The following SUGCT variants were observed in gnomAD, a reference collection of about 807,000 sequenced individuals.
SUGCT encodes succinyl-CoA:glutarate-CoA transferase.
SUGCT carries 41 observed loss-of-function variants against 55.0 expected under a neutral mutation model. The ratio of observed to expected loss-of-function variants is 0.74; its 90% CI spans 0.58 to 0.97. SUGCT has a LOEUF of 0.97. Ranked by LOEUF, SUGCT falls within the 50% of genes least tolerant of loss-of-function variation. The pLI is 0.00. For missense variants in SUGCT, 568 were observed against 547.8 expected (o/e 1.04, Z -0.37); for synonymous variants, 187 against 200.4 (o/e 0.93, Z 0.56).
intron 6 of SUGCT, among the ~76,000 whole-genome samples, chr7:40,196,791 G>A (rs116337684): frequency 0.017 from 2,545 of 152,134 alleles, 70 homozygotes; most frequent in African/African-American, 0.059. Flanking sequence ...TCTATTCCCA[G>A]TTCCACCTGT....
chr7:40,519,246 A>G (rs1793403345), intron 12 of SUGCT, among the ~76,000 whole-genome samples: 3 of 152,152 alleles, frequency 2.0e-5, no homozygotes, highest in Admixed American at 2.0e-4. Context: ...ACTAAATTCC[A>G]AATGTGATCC....
At chr7:40,795,819 C>A (rs1222648376) in intron 13 of SUGCT, among the ~76,000 whole-genome samples, 1 of 152,080 alleles carries the variant, frequency 6.6e-6, no homozygotes, top group Non-Finnish European at 1.5e-5. Flanking sequence ...ACTATGGGAA[C>A]TTGGGAAGGT....
chr7:40,278,841 T>TA (rs36033574), intron 8 of SUGCT, among the ~76,000 whole-genome samples: 142,059 of 148,298 alleles, frequency 0.96, 68,024 homozygotes, highest in Admixed American at 0.98. Context: ...TTTTTTTTTT[T>TA]AAAGAGATAC....
intron 9 of SUGCT, among the ~76,000 whole-genome samples, chr7:40,444,253 T>A (rs1487376075): frequency 6.6e-6 from 1 of 152,238 alleles, no homozygotes; most frequent in African/African-American, 2.4e-5. Flanking sequence ...TTTCCAATTC[T>A]GTGAAGAAAG....
intron 12 of SUGCT, among the ~76,000 whole-genome samples, chr7:40,685,102 C>CA (rs1784411498): frequency 6.6e-6 from 1 of 152,084 alleles, no homozygotes; most frequent in Non-Finnish European, 1.5e-5. Context: ...AGTGGTCCAC[C>CA]TGCCTTGGCC....
At chr7:40,764,478 T>A (rs1788680599) in intron 13 of SUGCT, among the ~76,000 whole-genome samples, 1 of 152,094 alleles carries the variant, frequency 6.6e-6, no homozygotes, top group African/African-American at 2.4e-5. Context: ...ATGATATATA[T>A]CATCTTATTT....
At chr7:40,698,969 G>T (rs190540920) in intron 12 of SUGCT, among the ~76,000 whole-genome samples, 3 of 152,300 alleles carry the variant, frequency 2.0e-5, no homozygotes, top group Admixed American at 2.0e-4. Flanking sequence ...CTACTGTGAT[G>T]AGTAACATTT....
chr7:41,017,370 A>G, the SUGCT span, among the ~76,000 whole-genome samples: 1 of 152,198 alleles, frequency 6.6e-6, no homozygotes, highest in Non-Finnish European at 1.5e-5. Flanking sequence ...CACATGGCAG[A>G]CCCTTCTAGT....
rs140810541 is a variant in SUGCT, at chr7:40,150,384, C to T, written c.100+15264C>T. 2.5e-3 allele frequency among the ~76,000 whole-genome samples: 379 copies of T among 152,182 alleles called. 2 individuals are homozygous for T. The highest frequency in any genetic ancestry group is 6.8e-3 in the Middle Eastern group (2 of 292). On this transcript the variant is annotated intron_variant, in intron 1 of 13. Transcript: ENST00000335693. ...AAGTTATCCTTAAAACCTCTGCTCG[C>T]TGGGCCGGGCACGGTGGCTCACGCC...
At chr7:40,744,195 T>G (rs1198885163) in intron 12 of SUGCT, among the ~76,000 whole-genome samples, 1 of 152,072 alleles carries the variant, frequency 6.6e-6, no homozygotes, top group African/African-American at 2.4e-5. Flanking sequence ...CCCAAAGTGC[T>G]GGGATTACAG....
intron 3 of SUGCT, among the ~76,000 whole-genome samples, chr7:40,185,199 T>C (rs1785433819): frequency 6.6e-6 from 1 of 152,172 alleles, no homozygotes; most frequent in Non-Finnish European, 1.5e-5. Context: ...TTTTTTTTCT[T>C]TAAAGCTTCT....
At chr7:40,538,431 T>C (rs1379361942) in intron 12 of SUGCT, 1 of 152,246 alleles carries the variant, frequency 6.6e-6, no homozygotes, top group Non-Finnish European at 1.5e-5. Flanking sequence ...TGAAGGCTTA[T>C]GACTCAGTCT....
At chr7:40,360,277 G>A (rs140646025) in intron 9 of SUGCT, among the ~76,000 whole-genome samples, 74 of 152,322 alleles carry the variant, frequency 4.9e-4, no homozygotes, top group African/African-American at 1.6e-3. Flanking sequence ...GCCTCCCAAA[G>A]TGTTGGGATA....
At chr7:40,954,616 T>C in the SUGCT span, among the ~76,000 whole-genome samples, 1 of 152,180 alleles carries the variant, frequency 6.6e-6, no homozygotes. Context: ...TAGTTTCTTT[T>C]GCTGTGCAGA....
At chr7:40,347,044 A>G (rs1797354326) in intron 9 of SUGCT, among the ~76,000 whole-genome samples, 1 of 152,234 alleles carries the variant, frequency 6.6e-6, no homozygotes, top group Admixed American at 6.5e-5. Flanking sequence ...TTGCTGTAAC[A>G]AATACCTAAA....
intron 7 of SUGCT, among the ~76,000 whole-genome samples, chr7:40,247,167 G>A (rs1302912364): frequency 6.6e-6 from 1 of 152,160 alleles, no homozygotes; most frequent in Non-Finnish European, 1.5e-5. Context: ...TTTAGCTTTA[G>A]TAAGCTGCTG....
intron 8 of SUGCT, among the ~76,000 whole-genome samples, chr7:40,304,405 T>A (rs1054857390): frequency 4.6e-5 from 7 of 151,860 alleles, no homozygotes; most frequent in African/African-American, 1.2e-4. Context: ...CTTTTTTTTT[T>A]AATTTAAATT....
chr7:40,214,989 G>A (rs1182015992), intron 6 of SUGCT, among the ~76,000 whole-genome samples: 1 of 152,100 alleles, frequency 6.6e-6, no homozygotes, highest in Non-Finnish European at 1.5e-5. Context: ...GAATGCGTAT[G>A]TCTACATGAG....
chr7:40,637,136 AATTTTGTTTCCCTCC>A (rs1177662913), intron 12 of SUGCT, among the ~76,000 whole-genome samples: 3 of 152,208 alleles, frequency 2.0e-5, no homozygotes, highest in African/African-American at 7.2e-5. Flanking sequence ...ATGAACTCAT[AATTTTGTTTCCCTCC>A]AGGGAAAACT....
Sources: allele counts gnomAD v4.1 joint callset (sites outside exome capture counted in the v4.1 genomes callset), GRCh38; gene constraint gnomAD v4.1.1; transcripts MANE v1.5; gene names NCBI Gene and HGNC (gene_info 2026-07-23, HGNC 2026-07-21).